Variants in PDE12 observed in about 807,000 individuals in gnomAD.
The protein encoded by PDE12 is phosphodiesterase 12, also known as 2',5'-phosphodiesterase 12.
Under a neutral mutation model 45.4 loss-of-function variants are expected in PDE12, and 26 were observed. The observed-to-expected ratio is 0.57, with a 90% CI of 0.42 to 0.79. The LOEUF (loss-of-function observed/expected upper bound fraction) is 0.79. Among genes scored for constraint, PDE12 ranks in the 30% least tolerant of loss-of-function variants. PDE12 has a pLI of 0.00. For synonymous variants in PDE12, 283 were observed against 323.9 expected (o/e 0.87, Z 1.36); for missense variants, 668 against 790.0 (o/e 0.85, Z 1.85).
the PDE12 span, chr3:57,630,876 G>A: frequency 6.2e-7 from 1 of 1,610,830 alleles, no homozygotes; most frequent in South Asian, 1.1e-5. Flanking sequence ...TATGTTCACA[G>A]AAGTTAATTA....
chr3:57,647,384 A>G, the PDE12 span, among the ~76,000 whole-genome samples: 5 of 152,274 alleles, frequency 3.3e-5, no homozygotes, highest in South Asian at 1.0e-3. Flanking sequence ...AGAACATGGT[A>G]GGTATCTCTG....
the PDE12 span, among the ~76,000 whole-genome samples, chr3:57,604,358 T>C: frequency 6.6e-6 from 1 of 152,150 alleles, no homozygotes; most frequent in African/African-American, 2.4e-5. Context: ...TCATGGTAAA[T>C]GGTGGTTGAT....
chr3:57,580,100 A>G, the PDE12 span, among the ~76,000 whole-genome samples: 1 of 152,132 alleles, frequency 6.6e-6, no homozygotes, highest in Non-Finnish European at 1.5e-5. Flanking sequence ...GTGAGACCCC[A>G]TCTCAAAAAC....
At chr3:57,595,235 G>T in the PDE12 span, among the ~76,000 whole-genome samples, 1 of 151,988 alleles carries the variant, frequency 6.6e-6, no homozygotes, top group Non-Finnish European at 1.5e-5. Flanking sequence ...AAAGACTAAG[G>T]AATTGAAAAA....
At chr3:57,608,133 A>C in the PDE12 span, among the ~76,000 whole-genome samples, 1 of 152,194 alleles carries the variant, frequency 6.6e-6, no homozygotes, top group East Asian at 1.9e-4. Flanking sequence ...TATGCAGCCA[A>C]ACTAAGCTTC....
chr3:57,630,206 AACACAC>A, the PDE12 span: 1 of 467,632 alleles, frequency 2.1e-6, no homozygotes, highest in Non-Finnish European at 3.6e-6. Context: ...TGCAGTTCAT[AACACAC>A]CTACCTCAAA....
the PDE12 span, among the ~76,000 whole-genome samples, chr3:57,640,093 A>T: frequency 6.6e-6 from 1 of 151,132 alleles, no homozygotes; most frequent in Non-Finnish European, 1.5e-5. Context: ...ACATGGTGAA[A>T]CCCCGTCTCT....
At chr3:57,653,870 G>A in the PDE12 span, among the ~76,000 whole-genome samples, 1 of 149,726 alleles carries the variant, frequency 6.7e-6, no homozygotes, top group Non-Finnish European at 1.5e-5. Flanking sequence ...TCCCATTCTG[G>A]CGTATCATGC....
the PDE12 span, among the ~76,000 whole-genome samples, chr3:57,617,583 C>T: frequency 2.0e-5 from 3 of 152,046 alleles, no homozygotes; most frequent in African/African-American, 7.2e-5. Context: ...GTGGATAGGG[C>T]CAGGCTCGGT....
chr3:57,631,291 G>T, the PDE12 span: 1 of 212,400 alleles, frequency 4.7e-6, no homozygotes, highest in Non-Finnish European at 9.3e-6. Context: ...CTGCCCCCCG[G>T]GTTCAAGCGA....
Position 57,562,138 on chromosome 3 carries a change from C to T in PDE12, c.*2134C>T. 1.0e-6 allele frequency: 1 copy of T among 972,494 alleles called. No homozygotes were observed. Among genetic ancestry groups the T allele is most frequent in the Non-Finnish European group, 1.2e-6 (1 of 818,580 alleles). 60.2% of individuals were successfully genotyped at this position (972,494 alleles called of 1,614,324 possible). ...ACCCTTAGAGTGACTTGGGAGAAAA[C>T]AAAGTGTCACATCAAAAAGTTGAGA... On this transcript the variant is annotated 3_prime_UTR_variant, in exon 3 of 3. Transcript: ENST00000311180.
At position 57,559,808 on chromosome 3, in the gene PDE12, G is replaced by A. The variant is rs772056646; in HGVS notation, c.1634G>A (p.Gly545Asp). 2 of 1,614,082 alleles carry A rather than the reference G, an allele frequency of 1.2e-6. No homozygotes were observed. The highest frequency in any genetic ancestry group is 2.7e-5 in the African/African-American group (2 of 74,940). The change falls in exon 3 of 3, where the codon GGT becomes GAT. Residue 545 changes from glycine to aspartate, a missense_variant. Around this residue, in one of 3 missense-constraint regions of PDE12, gnomAD observed 79 missense variants for 97.9 expected, o/e 0.81. Transcript: ENST00000311180. ...TTCTTCAAGCTGAAAAGTGCTTGTG[G>A]TGAACCTGCTTACACAAATTATGTT... ...THFFKLKSAC[G>D]EPAYTNYVGG...
At chr3:57,582,133 G>T in the PDE12 span, among the ~76,000 whole-genome samples, 7 of 152,144 alleles carry the variant, frequency 4.6e-5, no homozygotes, top group Non-Finnish European at 8.8e-5. Context: ...TTTCGGATAA[G>T]GAATGTTCAC....
chr3:57,584,067 T>C, the PDE12 span: 4 of 1,171,282 alleles, frequency 3.4e-6, no homozygotes, highest in Admixed American at 2.2e-5. Context: ...AAACCTTTTA[T>C]TGTGGAATTT....
the PDE12 span, among the ~76,000 whole-genome samples, chr3:57,594,452 T>C: frequency 1.3e-5 from 2 of 152,214 alleles, no homozygotes; most frequent in Non-Finnish European, 1.5e-5. Flanking sequence ...CTTACCCTTA[T>C]AACTAGTACA....
chr3:57,645,732 G>T, the PDE12 span: 1 of 1,613,152 alleles, frequency 6.2e-7, no homozygotes, highest in Non-Finnish European at 8.5e-7. Context: ...GGAAATCACT[G>T]AAGTACTTTA....
chr3:57,640,636 C>G, the PDE12 span, among the ~76,000 whole-genome samples: 1 of 152,120 alleles, frequency 6.6e-6, no homozygotes, highest in Non-Finnish European at 1.5e-5. Context: ...ATAATCCCAA[C>G]TATTTCAGTG....
chr3:57,611,090 C>T, the PDE12 span, among the ~76,000 whole-genome samples: 49 of 152,196 alleles, frequency 3.2e-4, 3 homozygotes, highest in South Asian at 9.8e-3. Flanking sequence ...ACATCTACAA[C>T]CATCTGATCT....
At chr3:57,588,139 A>T in the PDE12 span, among the ~76,000 whole-genome samples, 9 of 152,224 alleles carry the variant, frequency 5.9e-5, no homozygotes, top group African/African-American at 2.2e-4. Context: ...TAATCTGTAT[A>T]GCCCAGCAAT....
Sources: gnomAD v4.1 joint callset for allele counts (sites outside exome capture counted in the v4.1 genomes callset) on GRCh38, gnomAD v4.1.1 for gene constraint, gnomAD v4.1.1 regional missense constraint, MANE v1.5 for transcripts, NCBI Gene and HGNC (gene_info 2026-07-23, HGNC 2026-07-21) for gene names.